Variants in CREG2 observed in about 807,000 individuals in gnomAD.
CREG2 encodes the protein cellular repressor of E1A stimulated genes 2.
A neutral mutation model predicts 26.2 loss-of-function variants in CREG2; 24 were observed. That is an observed-to-expected ratio of 0.92 (90% CI 0.66 to 1.29). CREG2 has a LOEUF of 1.29. CREG2 is among the 50% of genes most tolerant of loss of function. CREG2 has a pLI of 0.00. For missense variants in CREG2, 366 were observed against 398.6 expected, an observed-to-expected ratio of 0.92 and a Z score of 0.70; for synonymous variants, 174 against 169.2, an observed-to-expected ratio of 1.03 and a Z score of -0.22.
intron 2 of CREG2, among the ~76,000 whole-genome samples, chr2:101,371,447 C>G (rs1684705452): frequency 6.6e-6 from 1 of 152,178 alleles, no homozygotes; most frequent in Non-Finnish European, 1.5e-5. Context: ...GAGGCTGAGC[C>G]AGGATTGGAA....
chr2:101,384,819 C>T (rs1191912212), intron 1 of CREG2, among the ~76,000 whole-genome samples: 1 of 152,172 alleles, frequency 6.6e-6, no homozygotes, highest in East Asian at 1.9e-4. Flanking sequence ...TATGATCACA[C>T]CACTGCATTC....
chr2:101,383,732 T>C (rs1047594546), intron 1 of CREG2, 30 bp from the exon 2 acceptor site: 13 of 1,557,282 alleles, frequency 8.3e-6, no homozygotes, highest in South Asian at 7.4e-5. Flanking sequence ...GCTTTTTCAG[T>C]GCAGAGCTGT....
In CREG2 at chr2:101,356,277, A is replaced by G. The variant is rs13426751; in HGVS notation, c.612-911T>C. Among the ~76,000 whole-genome samples, 267 of 152,276 alleles carry G rather than the reference A, an allele frequency of 1.8e-3. 1 individual carries two copies. The highest frequency in any genetic ancestry group is 6.1e-3 in the African/African-American group (255 of 41,562). ...TGGGCCCAGGATGTGGGGGCAGGGC[A>G]GGCCAAAAATCAACATTCTGGCTCA... On this transcript the variant is annotated intron_variant, in intron 2 of 3. Transcript: ENST00000324768.
Position 101,364,313 on chromosome 2 carries a change from A to G in CREG2, c.612-8947T>C, listed in dbSNP as rs189112317. ...GAGGTGGAGGGCTGTCCTTCGCATA[A>G]TAGAGTATTTAGCAGCATTCCTGGG... is the stretch of plus-strand genomic sequence containing the variant. On this transcript the variant is annotated intron_variant, in intron 2 of 3. Transcript: ENST00000324768. 2.2e-3 allele frequency among the ~76,000 whole-genome samples: 331 copies of G among 152,238 alleles called. 1 individual carries two copies. Among genetic ancestry groups the G allele is most frequent in the African/African-American group, 7.2e-3 (300 of 41,544 alleles).
At chr2:101,354,525 A>G (rs984458224) in intron 3 of CREG2, among the ~76,000 whole-genome samples, 1 of 151,704 alleles carries the variant, frequency 6.6e-6, no homozygotes, top group Non-Finnish European at 1.5e-5. Flanking sequence ...CTCTCCCTCT[A>G]CTGCAGACCA....
chr2:101,376,701 C>T (rs572846680), intron 2 of CREG2, among the ~76,000 whole-genome samples: 3 of 152,302 alleles, frequency 2.0e-5, no homozygotes, highest in African/African-American at 7.2e-5. Flanking sequence ...TATAACTCAA[C>T]ATGATACGAG....
intron 2 of CREG2, among the ~76,000 whole-genome samples, chr2:101,361,432 G>T (rs1306990778): frequency 1.3e-5 from 2 of 152,248 alleles, no homozygotes; most frequent in Non-Finnish European, 2.9e-5. Flanking sequence ...GGATCATTAA[G>T]TGGAAAGCGT....
At chr2:101,369,616 C>T (rs1478762874) in intron 2 of CREG2, among the ~76,000 whole-genome samples, 2 of 152,092 alleles carry the variant, frequency 1.3e-5, no homozygotes, top group East Asian at 3.9e-4. Flanking sequence ...TTCTACAGGC[C>T]GATAACTTGT....
chr2:101,379,487 T>C (rs1302022672), intron 2 of CREG2, among the ~76,000 whole-genome samples: 1 of 152,214 alleles, frequency 6.6e-6, no homozygotes, highest in Non-Finnish European at 1.5e-5. Flanking sequence ...GGATACTCAA[T>C]GTCCTTCACC....
At chr2:101,353,813 AG>A (rs985901854) in intron 3 of CREG2, among the ~76,000 whole-genome samples, 2 of 152,222 alleles carry the variant, frequency 1.3e-5, no homozygotes, top group African/African-American at 4.8e-5. Context: ...TGTCCTTTGC[AG>A]GGACATGGAT....
intron 2 of CREG2, among the ~76,000 whole-genome samples, chr2:101,356,626 G>A (rs553383336): frequency 5.3e-5 from 8 of 152,258 alleles, no homozygotes; most frequent in African/African-American, 1.9e-4. Flanking sequence ...GGATGTGTGT[G>A]TAATAGGAAT....
intron 2 of CREG2, among the ~76,000 whole-genome samples, chr2:101,358,055 G>A (rs538321367): frequency 2.6e-5 from 4 of 151,006 alleles, no homozygotes; most frequent in East Asian, 3.9e-4. Context: ...GTGCAGTGGC[G>A]CGATCTCAGC....
intron 1 of CREG2, among the ~76,000 whole-genome samples, chr2:101,386,390 C>A (rs986284962): frequency 1.3e-5 from 2 of 152,224 alleles, no homozygotes; most frequent in Non-Finnish European, 2.9e-5. Context: ...TTATCCATGT[C>A]ATTCTAGGTG....
chr2:101,350,795 T>G lies in CREG2; in HGVS notation c.*128A>C. On this transcript the variant is annotated 3_prime_UTR_variant, in exon 4 of 4. Transcript: ENST00000324768. Reference sequence around the variant, plus strand: ...GAGTTCCCTGTTCACCCTCTCTCATTCTGCTGCAGGGATGGCAGGGCTGCT... The same window carrying G: ...GAGTTCCCTGTTCACCCTCTCTCATGCTGCTGCAGGGATGGCAGGGCTGCT... 1.1e-6 allele frequency: 1 copy of G among 921,454 alleles called. No individual in the cohort carries two copies. Among genetic ancestry groups the G allele is most frequent in the South Asian group, 1.6e-5 (1 of 61,428 alleles). The allele number at this position is 921,454 out of a possible 1,614,324, so 57.1% of individuals were successfully genotyped here.
At chr2:101,359,358 ATGCTCACT>A (rs1450356590) in intron 2 of CREG2, among the ~76,000 whole-genome samples, 3 of 152,172 alleles carry the variant, frequency 2.0e-5, no homozygotes, top group African/African-American at 7.2e-5. Flanking sequence ...ACTTGTACAC[ATGCTCACT>A]TGAGATGTTC....
rs1163756826 is a variant in CREG2, at chr2:101,345,668, AAAT to A, written c.*5252_*5254del. The stretch of plus-strand genomic sequence containing the variant: ...ACATTTTACATGCATTACATGGCAC[AAAT>A]AATCACATCATTACAATTCAAATTG... On this transcript the variant is annotated 3_prime_UTR_variant, in exon 4 of 4. Coordinates refer to ENST00000324768, the MANE Select transcript of CREG2 (RefSeq NM_153836.4). The A allele has an allele frequency of 6.6e-6, 1 of 152,226 alleles. No individual in the cohort carries two copies. The highest frequency in any genetic ancestry group is 2.4e-5 in the African/African-American group (1 of 41,444). 9.4% of individuals were successfully genotyped at this position (152,226 alleles called of 1,614,324 possible).
intron 2 of CREG2, among the ~76,000 whole-genome samples, chr2:101,369,271 T>C (rs4850969): frequency 0.85 from 129,851 of 151,998 alleles, 56,001 homozygotes; most frequent in East Asian, 1. Flanking sequence ...AAGCAGTGAG[T>C]CGGGAGAAGC....
chr2:101,349,402 C>G lies in CREG2; in HGVS notation c.*1521G>C, dbSNP rs6543031. 1 of 152,476 alleles carries G rather than the reference C, an allele frequency of 6.6e-6. No individual in the cohort carries two copies. Among genetic ancestry groups the G allele is most frequent in the African/African-American group, 2.4e-5 (1 of 41,364 alleles). The allele number at this position is 152,476 out of a possible 1,614,324, so 9.4% of individuals were successfully genotyped here. On this transcript the variant is annotated 3_prime_UTR_variant, in exon 4 of 4. Transcript: ENST00000324768. ...ATATTTTGACAACTCAAGCTCTCGT[C>G]GTATGTTATTTTGTTAAGCAAAAGT...
intron 3 of CREG2, among the ~76,000 whole-genome samples, chr2:101,353,841 A>G (rs1328952866): frequency 1.3e-5 from 2 of 152,236 alleles, no homozygotes; most frequent in East Asian, 3.8e-4. Context: ...GGAAGCCATC[A>G]TCCTCAGCAA....
Sources: allele counts gnomAD v4.1 joint callset (sites outside exome capture counted in the v4.1 genomes callset), GRCh38; gene constraint gnomAD v4.1.1; transcripts MANE v1.5; gene names NCBI Gene and HGNC (gene_info 2026-07-23, HGNC 2026-07-21).